Variants in BTD observed in about 807,000 individuals in gnomAD.
BTD encodes the protein biotinidase.
BTD carries 13 observed loss-of-function variants against 17.7 expected under a neutral mutation model. The ratio of observed to expected loss-of-function variants is 0.74; its 90% CI spans 0.48 to 1.17. The LOEUF (loss-of-function observed/expected upper bound fraction) is 1.17, where lower values mean the gene tolerates loss of function less well. Ranked by LOEUF, BTD falls within the 50% of genes most tolerant of loss-of-function variation. The pLI is 0.00. For synonymous variants in BTD, 240 were observed against 245.2 expected (o/e 0.98, Z 0.20); for missense variants, 674 against 650.4 (o/e 1.04, Z -0.39).
chr3:15,708,094 T>G, intron 3 of BTD: 1 of 1,576,228 alleles, frequency 6.3e-7, no homozygotes. Flanking sequence ...ACAAGAAAGA[T>G]AAAAGCCAGA....
chr3:15,632,652 G>A (rs1043181781), intron 1 of BTD: 1 of 152,210 alleles, frequency 6.6e-6, no homozygotes, highest in African/African-American at 2.4e-5. Flanking sequence ...TGACTTCCAG[G>A]GCCCCTTGTT....
intron 3 of BTD, chr3:15,694,741 C>A: frequency 2.5e-6 from 4 of 1,613,248 alleles, no homozygotes; most frequent in Non-Finnish European, 3.4e-6. Context: ...GTACTCACAG[C>A]CAAGTGTAAA....
chr3:15,667,964 T>A (rs2066067134), intron 3 of BTD: 1 of 152,166 alleles, frequency 6.6e-6, no homozygotes, highest in Non-Finnish European at 1.5e-5. Context: ...AGCAGAGAAG[T>A]CAAACAGCCT....
At chr3:15,677,008 TTCTA>T (rs1187822951) in intron 3 of BTD, 3 of 1,613,282 alleles carry the variant, frequency 1.9e-6, no homozygotes, top group Middle Eastern at 1.6e-4. Context: ...TTGATGAGGT[TTCTA>T]TCTGTTATCT....
At chr3:15,712,427 C>T (rs1429106879) in exon 4 of BTD, among the ~76,000 whole-genome samples, 1 of 152,220 alleles carries the variant, frequency 6.6e-6, no homozygotes, top group Admixed American at 6.5e-5. Context: ...TTCTCACCTT[C>T]AGCACTACTG....
chr3:15,667,479 G>C (rs2066041765), intron 3 of BTD: 1 of 152,174 alleles, frequency 6.6e-6, no homozygotes, highest in Non-Finnish European at 1.5e-5. Context: ...GTTAAATAAA[G>C]CAAACAGGCT....
At chr3:15,690,212 A>G in intron 3 of BTD, 1 of 1,595,844 alleles carries the variant, frequency 6.3e-7, no homozygotes. Flanking sequence ...GATGGTGACC[A>G]TGATAGGCCT....
intron 1 of BTD, 165 bp downstream of exon 1, chr3:15,602,059 G>C: frequency 6.9e-7 from 1 of 1,451,618 alleles, no homozygotes; most frequent in Non-Finnish European, 9.1e-7. Context: ...CGTTGCTGCT[G>C]TGCTACCGCG....
downstream of BTD, among the ~76,000 whole-genome samples, chr3:15,717,689 C>T (rs996079736): frequency 2.6e-5 from 4 of 152,034 alleles, no homozygotes; most frequent in Admixed American, 2.6e-4. Context: ...GCTTAGCTGA[C>T]CAAAATCTAT....
chr3:15,659,169 C>A (rs945795822), intron 3 of BTD, among the ~76,000 whole-genome samples: 3 of 152,178 alleles, frequency 2.0e-5, no homozygotes, highest in Admixed American at 1.3e-4. Context: ...AATCCTAACT[C>A]AAAATTAGTA....
At chr3:15,668,874 C>A (rs1001102857) in intron 3 of BTD, 1 of 152,586 alleles carries the variant, frequency 6.6e-6, no homozygotes, top group African/African-American at 2.4e-5. Context: ...AATTGGGTAT[C>A]ATTTTGTTGC....
intron 3 of BTD, among the ~76,000 whole-genome samples, chr3:15,688,785 T>C (rs59304854): frequency 0.22 from 33,621 of 152,216 alleles, 6,065 homozygotes; most frequent in East Asian, 0.58. Context: ...GACTTGGTTA[T>C]AGACCTTCGT....
At chr3:15,680,922 C>T (rs879374517) in intron 3 of BTD, among the ~76,000 whole-genome samples, 11 of 152,188 alleles carry the variant, frequency 7.2e-5, no homozygotes, top group Non-Finnish European at 1.5e-4. Context: ...CTGCCTCAGC[C>T]TCCTAAAATG....
At chr3:15,657,886 G>T (rs1419246175), downstream of BTD, among the ~76,000 whole-genome samples, 1 of 152,044 alleles carries the variant, frequency 6.6e-6, no homozygotes. Flanking sequence ...AGTTGGAGGG[G>T]GCCGGGCGTG....
chr3:15,721,214 T>C (rs972222582), intron 4 of BTD: 4 of 1,071,774 alleles, frequency 3.7e-6, no homozygotes, highest in Non-Finnish European at 5.5e-6. Flanking sequence ...GTGGTTGCAA[T>C]CAAATTACTA....
intron 3 of BTD, among the ~76,000 whole-genome samples, chr3:15,643,161 C>T (rs1046423884): frequency 6.6e-6 from 1 of 152,170 alleles, no homozygotes; most frequent in Non-Finnish European, 1.5e-5. Flanking sequence ...CCCAGTCATA[C>T]AGTATGAGTG....
In BTD at chr3:15,648,000, C is replaced by T. The variant is rs958968968; in HGVS notation, c.*2512C>T. On this transcript the variant is annotated 3_prime_UTR_variant, in exon 4 of 4. Transcript: ENST00000643237. ...AGAGCCCCTGCTGAGGGAAACCCAC[C>T]CAGGCCACTTTTCCCCACAGGTGGC... Among the ~76,000 whole-genome samples the T allele has an allele frequency of 6.6e-6, 1 of 152,196 alleles. No individual in the cohort carries two copies. Among genetic ancestry groups the T allele is most frequent in the Non-Finnish European group, 1.5e-5 (1 of 68,038 alleles).
intron 2 of BTD, among the ~76,000 whole-genome samples, chr3:15,638,549 A>G (rs1195549567): frequency 2.0e-5 from 3 of 152,248 alleles, no homozygotes; most frequent in African/African-American, 7.2e-5. Flanking sequence ...ATCTGGTTAT[A>G]TGTTTTAAAA....
chr3:15,700,530 C>T (rs914052552), intron 3 of BTD, among the ~76,000 whole-genome samples: 2 of 151,894 alleles, frequency 1.3e-5, no homozygotes. Context: ...AATCCCAGCA[C>T]TTTGAGAGGC....
Sources: gnomAD v4.1 joint callset for allele counts (sites outside exome capture counted in the v4.1 genomes callset) on GRCh38, gnomAD v4.1.1 for gene constraint, MANE v1.5 for transcripts, NCBI Gene and HGNC (gene_info 2026-07-23, HGNC 2026-07-21) for gene names.